Variants in IMPG1 observed in about 807,000 individuals in gnomAD.
IMPG1 encodes the protein interphotoreceptor matrix proteoglycan 1.
Under a neutral mutation model 92.0 loss-of-function variants are expected in IMPG1, and 85 were observed. That is an observed-to-expected ratio of 0.92 (90% confidence interval 0.78 to 1.11). The LOEUF (loss-of-function observed/expected upper bound fraction) is 1.11. IMPG1 is among the 50% of genes least tolerant of loss of function. IMPG1 has a pLI of 0.00. For synonymous variants in IMPG1, 367 were observed against 334.1 expected (o/e 1.10, Z -1.08); for missense variants, 1,022 against 956.0 (o/e 1.07, Z -0.91).
At chr6:75,982,088 A>G (rs1293482384) in intron 12 of IMPG1, among the ~76,000 whole-genome samples, 2 of 152,238 alleles carry the variant, frequency 1.3e-5, no homozygotes, top group Non-Finnish European at 2.9e-5. Flanking sequence ...CTGTATTTGA[A>G]GAAATCATAG....
intron 8 of IMPG1, among the ~76,000 whole-genome samples, chr6:76,008,264 T>A: frequency 6.6e-6 from 1 of 152,180 alleles, no homozygotes; most frequent in East Asian, 1.9e-4. Context: ...TACCACCTGC[T>A]TGTGCATGAA....
chr6:75,922,001 C>G lies in IMPG1; in HGVS notation c.*88G>C, dbSNP rs1367685293. ...TGACTGTATGTCTGGATTTTGATGA[C>G]CCATGAATATGCCTGTCTCCATTTT... On this transcript the variant is annotated 3_prime_UTR_variant, in exon 17 of 17. Coordinates refer to ENST00000369950, the MANE Select transcript of IMPG1 (RefSeq NM_001563.4). The G allele has an allele frequency of 1.5e-6, 1 of 683,366 alleles. No individual in the cohort carries two copies. The highest frequency in any genetic ancestry group is 2.7e-6 in the Non-Finnish European group (1 of 370,694). 42.3% of individuals were successfully genotyped at this position (683,366 alleles called of 1,614,324 possible).
intron 14 of IMPG1, 116 bp from the exon 15 acceptor site, chr6:75,931,267 G>T: frequency 1.1e-6 from 1 of 895,518 alleles, no homozygotes; most frequent in Non-Finnish European, 1.7e-6. Flanking sequence ...GGAGTGGGTT[G>T]CACAGTTGTG....
At chr6:75,960,160 C>G (rs1422487817) in intron 12 of IMPG1, among the ~76,000 whole-genome samples, 2 of 152,100 alleles carry the variant, frequency 1.3e-5, no homozygotes, top group East Asian at 3.9e-4. Flanking sequence ...AGGTGATGCC[C>G]CACCCCACCC....
chr6:75,950,737 G>T lies in IMPG1; in HGVS notation c.1649C>A (p.Thr550Asn). The T allele has an allele frequency of 6.2e-7, 1 of 1,613,930 alleles. No individual in the cohort carries two copies. The highest frequency in any genetic ancestry group is 1.1e-5 in the South Asian group (1 of 91,074). Residue 550 changes from threonine to asparagine, a missense_variant, in exon 13 of 17, where the codon ACC becomes AAC. Physicochemically the swap from Thr to Asn is moderately conservative, Grantham distance 65 (BLOSUM62 0). Around this residue, in one of 3 missense-constraint regions of IMPG1, gnomAD observed 332 missense variants for 346.2 expected, o/e 0.96. Transcript: ENST00000369950. ...VSVPDHFLED[T>N]TPVSALQYIT... ...ATACTGTAAAGCTGAGACAGGAGTG[G>T]TATCCTCCAAGAAATGATCTGGGAC...
intron 1 of IMPG1, among the ~76,000 whole-genome samples, chr6:76,065,884 G>T (rs1232064903): frequency 6.6e-6 from 1 of 152,088 alleles, no homozygotes; most frequent in East Asian, 1.9e-4. Flanking sequence ...AGACTTCTCA[G>T]CAGAAACCTT....
chr6:76,009,965 T>C (rs190194132), intron 8 of IMPG1, among the ~76,000 whole-genome samples: 1 of 152,242 alleles, frequency 6.6e-6, no homozygotes, highest in African/African-American at 2.4e-5. Context: ...TTCTATCAAC[T>C]TTTATTTTTC....
At chr6:76,070,598 A>G (rs1784389762) in intron 1 of IMPG1, among the ~76,000 whole-genome samples, 1 of 152,186 alleles carries the variant, frequency 6.6e-6, no homozygotes, top group Non-Finnish European at 1.5e-5. Flanking sequence ...GAATAAAGAA[A>G]ATATCGTTAT....
intron 12 of IMPG1, among the ~76,000 whole-genome samples, chr6:76,002,288 C>T (rs145829921): frequency 5.9e-5 from 9 of 152,264 alleles, no homozygotes; most frequent in Non-Finnish European, 1.2e-4. Context: ...CTAATGTCTT[C>T]ATATGTTGCT....
intron 1 of IMPG1, among the ~76,000 whole-genome samples, chr6:76,065,763 GA>G: frequency 6.6e-6 from 1 of 151,976 alleles, no homozygotes. Context: ...GAACTTCACA[GA>G]GATATATAGT....
At position 75,985,900 on chromosome 6, in the gene IMPG1, T is replaced by C. The variant is rs754574949; in HGVS notation, c.1291+17018A>G. ...GCATTAATAAAAGAAAACATAACAA[T>C]ATATGAAGTCTCACATTGCCTGATC... On this transcript the variant is annotated intron_variant, in intron 12 of 16. Transcript: ENST00000369950. 4.3e-4 allele frequency among the ~76,000 whole-genome samples: 65 copies of C among 152,294 alleles called. 1 individual carries two copies. In the Middle Eastern group the frequency reaches 0.01, roughly 24 times the overall value.
rs115237075 is a variant in IMPG1 at position 76,049,001 on chromosome 6, T to C, written c.68-6875A>G. Reference sequence around the variant, plus strand: ...AAGAAAATGTGGTACTTATATACCATGGACTACTATACAGCCATAAAAAGG... The same window carrying C: ...AAGAAAATGTGGTACTTATATACCACGGACTACTATACAGCCATAAAAAGG... On this transcript the variant is annotated intron_variant, in intron 1 of 16. Coordinates refer to ENST00000369950, the MANE Select transcript of IMPG1 (RefSeq NM_001563.4). 8.0e-3 allele frequency among the ~76,000 whole-genome samples: 1,214 copies of C among 152,322 alleles called. 11 individuals are homozygous for C. The highest frequency in any genetic ancestry group is 0.027 in the African/African-American group (1,143 of 41,570).
intron 1 of IMPG1, among the ~76,000 whole-genome samples, chr6:76,049,566 C>A (rs1225481029): frequency 1.3e-5 from 2 of 152,052 alleles, no homozygotes; most frequent in African/African-American, 4.8e-5. Context: ...GACACTTCAC[C>A]AGAAGGTGTG....
At chr6:75,931,173 T>C in intron 14 of IMPG1, 22 bp from the exon 15 acceptor site, 1 of 1,593,458 alleles carries the variant, frequency 6.3e-7, no homozygotes, top group South Asian at 1.1e-5. Flanking sequence ...GGGGCAGATT[T>C]TAACGCATGT....
chr6:75,993,376 G>A (rs1182682300), intron 12 of IMPG1, among the ~76,000 whole-genome samples: 1 of 152,056 alleles, frequency 6.6e-6, no homozygotes, highest in African/African-American at 2.4e-5. Context: ...CCAAGATCAA[G>A]GCACCAGAAA....
chr6:76,065,015 A>G (rs1293987138), intron 1 of IMPG1, among the ~76,000 whole-genome samples: 1 of 152,060 alleles, frequency 6.6e-6, no homozygotes, highest in Admixed American at 6.6e-5. Flanking sequence ...AAGCCAAAAG[A>G]CTATTTTTCT....
chr6:76,009,276 T>C (rs1175456501), intron 8 of IMPG1, among the ~76,000 whole-genome samples: 2 of 152,186 alleles, frequency 1.3e-5, no homozygotes, highest in Non-Finnish European at 2.9e-5. Context: ...GGCCCTTTCA[T>C]TGTTCATCTT....
At chr6:76,025,169 G>A (rs1416704534) in intron 5 of IMPG1, 25 bp downstream of exon 5, 1 of 1,430,078 alleles carries the variant, frequency 7.0e-7, no homozygotes, top group South Asian at 1.2e-5. Context: ...AAGTTGAGAA[G>A]CAAAGAAATT....
intron 14 of IMPG1, among the ~76,000 whole-genome samples, chr6:75,943,866 C>G (rs1781876753): frequency 6.6e-6 from 1 of 152,234 alleles, no homozygotes; most frequent in Non-Finnish European, 1.5e-5. Context: ...CCCAAGCCCA[C>G]AGGAATTTGT....
Sources: gnomAD v4.1 joint callset for allele counts (sites outside exome capture counted in the v4.1 genomes callset) on GRCh38, gnomAD v4.1.1 for gene constraint, gnomAD v4.1.1 regional missense constraint, MANE v1.5 for transcripts, NCBI Gene and HGNC (gene_info 2026-07-23, HGNC 2026-07-21) for gene names.